KLF12: variants seen among roughly 807,000 people sequenced by gnomAD.
The protein encoded by KLF12 is Krueppel-like factor 12.
In KLF12, 9 loss-of-function variants were observed where a neutral mutation model predicts 37.8. The ratio of observed to expected loss-of-function variants is 0.24; its 90% CI spans 0.14 to 0.42. The LOEUF is 0.42. Among genes scored for constraint, KLF12 ranks in the 10% least tolerant of loss-of-function variants. The pLI is 1.00. For missense variants in KLF12, 411 were observed against 516.0 expected, an observed-to-expected ratio of 0.80 and a Z score of 1.97; for synonymous variants, 208 against 202.1, an observed-to-expected ratio of 1.03 and a Z score of -0.25.
chr13:73,891,074 T>G (rs1157170172), intron 3 of KLF12, among the ~76,000 whole-genome samples: 1 of 152,106 alleles, frequency 6.6e-6, no homozygotes, highest in Non-Finnish European at 1.5e-5. Context: ...CAACTTCTTT[T>G]CACCTTAATA....
intron 4 of KLF12, among the ~76,000 whole-genome samples, chr13:73,838,923 G>T (rs888562281): frequency 2.0e-5 from 3 of 152,140 alleles, no homozygotes; most frequent in Admixed American, 1.3e-4. Context: ...GGCTGCACCA[G>T]GCTTCTGCAG....
chr13:74,255,661 A>G, the KLF12 span, among the ~76,000 whole-genome samples: 1 of 152,234 alleles, frequency 6.6e-6, no homozygotes, highest in East Asian at 1.9e-4. Context: ...TTGTGTCTCT[A>G]GCCTAGAAAT....
At chr13:73,695,995 C>A (rs1158266674) in intron 7 of KLF12, among the ~76,000 whole-genome samples, 2 of 152,132 alleles carry the variant, frequency 1.3e-5, no homozygotes, top group African/African-American at 4.8e-5. Flanking sequence ...AAGCTTTACC[C>A]AGTTTGATTT....
intron 3 of KLF12, among the ~76,000 whole-genome samples, chr13:73,857,125 T>C (rs1885653576): frequency 6.6e-6 from 1 of 152,208 alleles, no homozygotes; most frequent in Non-Finnish European, 1.5e-5. Flanking sequence ...ATTTCAAGTG[T>C]TGGAACACCA....
At chr13:73,818,889 G>A (rs1883376786) in intron 4 of KLF12, among the ~76,000 whole-genome samples, 1 of 152,316 alleles carries the variant, frequency 6.6e-6, no homozygotes, top group South Asian at 2.1e-4. Flanking sequence ...TGCCCTAATT[G>A]TTCGCCCTGC....
the KLF12 span, among the ~76,000 whole-genome samples, chr13:74,235,948 A>ATT: frequency 8.7e-5 from 13 of 148,676 alleles, no homozygotes; most frequent in South Asian, 4.3e-4. Flanking sequence ...TTTTATTTTT[A>ATT]TTTTTTTTTA....
At chr13:74,041,125 T>C (rs1893391891) in intron 1 of KLF12, among the ~76,000 whole-genome samples, 2 of 152,182 alleles carry the variant, frequency 1.3e-5, no homozygotes, top group Non-Finnish European at 2.9e-5. Context: ...TATACACACC[T>C]TTCCTCCTTA....
rs542572908 is a variant in KLF12, at chr13:73,758,577, C to G, written c.869+6361G>C. ...TACAATGACATGTCTTATGGGTTCACATGTTAGGTTTCCAGTACAATATTA... is the reference window on the plus strand; with the variant it reads ...TACAATGACATGTCTTATGGGTTCAGATGTTAGGTTTCCAGTACAATATTA... On this transcript the variant is annotated intron_variant, in intron 6 of 7. Coordinates refer to ENST00000377669, the MANE Select transcript of KLF12 (RefSeq NM_007249.5). Among the ~76,000 whole-genome samples, 7 of 152,236 alleles carry G rather than the reference C, an allele frequency of 4.6e-5. No individual in the cohort carries two copies. In the East Asian group the frequency reaches 7.7e-4, roughly 17 times the overall value.
intron 2 of KLF12, among the ~76,000 whole-genome samples, chr13:73,961,804 C>T (rs1891030043): frequency 6.6e-6 from 1 of 152,168 alleles, no homozygotes; most frequent in African/African-American, 2.4e-5. Flanking sequence ...GATGCCATTA[C>T]ACAACTATTA....
chr13:73,695,831 C>A (rs1012280662), intron 7 of KLF12, among the ~76,000 whole-genome samples, 160 bp from the exon 8 acceptor site: 1 of 152,164 alleles, frequency 6.6e-6, no homozygotes, highest in African/African-American at 2.4e-5. Context: ...CTGGGTCAGA[C>A]AGGTGATGGT....
upstream of KLF12, among the ~76,000 whole-genome samples, chr13:74,136,838 G>A (rs1878571616): frequency 6.6e-6 from 1 of 151,822 alleles, no homozygotes; most frequent in Admixed American, 6.6e-5. Context: ...TTTAAAAATT[G>A]TTGACAGATA....
Position 73,868,072 on chromosome 13 carries a change from G to A in KLF12, c.124-21699C>T, listed in dbSNP as rs1886271890. Among the ~76,000 whole-genome samples the A allele has an allele frequency of 1.4e-5, 2 of 146,020 alleles. 1 individual carries two copies. The highest frequency in any genetic ancestry group is 4.7e-4 in the South Asian group (2 of 4,214). ...ATGCTGGGTGTAGTGGCTCATGCCT[G>A]TAATCCCAGCACTTTGGGAGGCCTG... is the stretch of plus-strand genomic sequence containing the variant. On this transcript the variant is annotated intron_variant, in intron 3 of 7. Transcript: ENST00000377669.
intron 5 of KLF12, 76 bp downstream of exon 5, chr13:73,813,076 C>A: frequency 1.3e-6 from 2 of 1,487,658 alleles, no homozygotes. Flanking sequence ...GGCTGGGGGA[C>A]AGGAGATGCT....
intron 1 of KLF12, among the ~76,000 whole-genome samples, chr13:74,120,485 T>C (rs1877565977): frequency 6.6e-6 from 1 of 151,442 alleles, no homozygotes. Flanking sequence ...CTCAAAAAAA[T>C]AAAAAATAAA....
At chr13:74,134,696 G>C (rs953272549), upstream of KLF12, among the ~76,000 whole-genome samples, 3 of 152,088 alleles carry the variant, frequency 2.0e-5, no homozygotes, top group South Asian at 4.1e-4. Context: ...CGGCGGGAGG[G>C]ACCCCTGGAG....
At chr13:74,060,973 C>T (rs1873558766) in intron 1 of KLF12, among the ~76,000 whole-genome samples, 1 of 152,124 alleles carries the variant, frequency 6.6e-6, no homozygotes, top group South Asian at 2.1e-4. Context: ...GGGAATAGTA[C>T]CATCTCATGG....
At chr13:74,136,936 T>C (rs1878576714), upstream of KLF12, among the ~76,000 whole-genome samples, 1 of 152,220 alleles carries the variant, frequency 6.6e-6, no homozygotes, top group Admixed American at 6.5e-5. Flanking sequence ...AATCACTTCA[T>C]TGTGTGGACT....
intron 1 of KLF12, among the ~76,000 whole-genome samples, chr13:74,017,934 G>T (rs575248328): frequency 6.6e-6 from 1 of 152,074 alleles, no homozygotes; most frequent in South Asian, 2.1e-4. Flanking sequence ...ATCTCTGCTA[G>T]GCTGGGAGAG....
At chr13:73,936,600 T>C (rs1889942308) in intron 3 of KLF12, among the ~76,000 whole-genome samples, 1 of 152,110 alleles carries the variant, frequency 6.6e-6, no homozygotes, top group African/African-American at 2.4e-5. Context: ...TCTCACAAAC[T>C]AGTTGTCCTA....
Sources: allele counts gnomAD v4.1 joint callset (sites outside exome capture counted in the v4.1 genomes callset), GRCh38; gene constraint gnomAD v4.1.1; transcripts MANE v1.5; gene names NCBI Gene and HGNC (gene_info 2026-07-23, HGNC 2026-07-21).